The following SPOCK3 variants were observed in gnomAD, a reference collection of about 807,000 sequenced individuals.
The protein encoded by SPOCK3 is testican-3.
A neutral mutation model predicts 56.6 loss-of-function variants in SPOCK3; 30 were observed. The ratio of observed to expected loss-of-function variants is 0.53; its 90% CI spans 0.40 to 0.72. The LOEUF is 0.72. Ranked by LOEUF, SPOCK3 falls within the 30% of genes least tolerant of loss-of-function variation. The pLI is 0.00. For synonymous variants in SPOCK3, 196 were observed against 183.3 expected (o/e 1.07, Z -0.56); for missense variants, 527 against 530.0 (o/e 0.99, Z 0.06).
intron 2 of SPOCK3, among the ~76,000 whole-genome samples, chr4:167,163,166 ATTTTTTT>A (rs560014140): frequency 7.8e-6 from 1 of 127,880 alleles, no homozygotes; most frequent in Non-Finnish European, 1.6e-5. Context: ...TTGTTGGGGG[ATTTTTTT>A]TTTTTTTTTT....
chr4:166,896,624 G>A (rs558593531), intron 5 of SPOCK3, among the ~76,000 whole-genome samples: 2 of 152,234 alleles, frequency 1.3e-5, no homozygotes, highest in South Asian at 4.2e-4. Context: ...GGATGAGTGG[G>A]GGTCAGAAGA....
chr4:167,209,360 C>T (rs1456908298), intron 2 of SPOCK3, among the ~76,000 whole-genome samples: 1 of 151,908 alleles, frequency 6.6e-6, no homozygotes, highest in African/African-American at 2.4e-5. Context: ...GAATTTTTCA[C>T]TAGTACTAGA....
At chr4:166,986,568 G>A (rs7699895) in intron 4 of SPOCK3, among the ~76,000 whole-genome samples, 3,748 of 152,088 alleles carry the variant, frequency 0.025, 166 homozygotes, top group African/African-American at 0.085. Flanking sequence ...TACAGCACAC[G>A]AATGAAGAAT....
At chr4:166,926,242 A>C (rs1739083604) in intron 4 of SPOCK3, among the ~76,000 whole-genome samples, 1 of 152,162 alleles carries the variant, frequency 6.6e-6, no homozygotes. Flanking sequence ...ATAGAACATG[A>C]GAAAAAATTA....
chr4:167,064,478 A>C (rs1287850195), intron 2 of SPOCK3, among the ~76,000 whole-genome samples: 3 of 151,854 alleles, frequency 2.0e-5, no homozygotes, highest in African/African-American at 7.2e-5. Flanking sequence ...TACTCCACTA[A>C]ATGTCTCAAA....
At position 166,772,205 on chromosome 4, in the gene SPOCK3, G is replaced by A. The variant is rs546878758; in HGVS notation, c.710-17476C>T. Among the ~76,000 whole-genome samples, 9 of 152,032 alleles carry A rather than the reference G, an allele frequency of 5.9e-5. No individual in the cohort carries two copies. The South Asian group carries it at 1.9e-3, about 31-fold the overall frequency. On this transcript the variant is annotated intron_variant, in intron 7 of 10. Coordinates refer to ENST00000357545, the MANE Select transcript of SPOCK3 (RefSeq NM_001040159.2). ...TACTTTTTTCACATTTAAGATTTTA[G>A]AACTAGTGAACCAAATACTACAAAT...
At chr4:167,084,911 A>C (rs1758049478) in intron 2 of SPOCK3, among the ~76,000 whole-genome samples, 1 of 152,090 alleles carries the variant, frequency 6.6e-6, no homozygotes, top group Non-Finnish European at 1.5e-5. Flanking sequence ...TGTAGGTACA[A>C]ACAGCCCCTG....
At chr4:167,007,637 G>GAAATCTAAAATGCCCTTTATTATAGCTGT (rs1749592327) in intron 3 of SPOCK3, among the ~76,000 whole-genome samples, 1 of 152,028 alleles carries the variant, frequency 6.6e-6, no homozygotes, top group African/African-American at 2.4e-5. Context: ...TTGCCCTGTA[G>GAAATCTAAAATGCCCTTTATTATAGCTGT]AAATCTAAAA....
chr4:167,037,696 C>A (rs1024261959), intron 3 of SPOCK3, among the ~76,000 whole-genome samples: 1 of 152,076 alleles, frequency 6.6e-6, no homozygotes, highest in African/African-American at 2.4e-5. Flanking sequence ...GGAAGAGAAA[C>A]AAAGAAGTCA....
intron 6 of SPOCK3, among the ~76,000 whole-genome samples, chr4:166,816,866 C>T (rs1476084609): frequency 2.6e-5 from 4 of 151,926 alleles, no homozygotes; most frequent in African/African-American, 7.2e-5. Context: ...GCCCAGAGGT[C>T]GAGGGCCCAG....
chr4:166,736,892 A>G (rs764025749), intron 10 of SPOCK3, among the ~76,000 whole-genome samples: 6 of 152,156 alleles, frequency 3.9e-5, no homozygotes, highest in Non-Finnish European at 7.4e-5. Context: ...TATTTTAAAT[A>G]TATACATAAA....
intron 8 of SPOCK3, among the ~76,000 whole-genome samples, chr4:166,744,611 G>A (rs1235120667): frequency 6.6e-6 from 1 of 152,114 alleles, no homozygotes; most frequent in East Asian, 1.9e-4. Flanking sequence ...ACCAGCAACA[G>A]AACAAAGCTG....
intron 7 of SPOCK3, among the ~76,000 whole-genome samples, chr4:166,770,521 C>T (rs980077490): frequency 2.0e-5 from 3 of 152,058 alleles, no homozygotes; most frequent in Non-Finnish European, 4.4e-5. Flanking sequence ...TCATTATTTG[C>T]CTCCCATCTA....
At chr4:167,229,213 T>C (rs1736903447) in intron 2 of SPOCK3, among the ~76,000 whole-genome samples, 1 of 152,156 alleles carries the variant, frequency 6.6e-6, no homozygotes, top group Admixed American at 6.6e-5. Context: ...ATATCCAAAT[T>C]ACAAATAAAT....
chr4:167,203,428 A>T (rs1319988568), intron 2 of SPOCK3, among the ~76,000 whole-genome samples: 2 of 152,018 alleles, frequency 1.3e-5, no homozygotes, highest in Non-Finnish European at 2.9e-5. Flanking sequence ...CTTTTCTGTT[A>T]AAGTGCTAAA....
intron 4 of SPOCK3, among the ~76,000 whole-genome samples, chr4:166,949,115 T>A (rs1453007178): frequency 1.3e-5 from 2 of 152,220 alleles, no homozygotes; most frequent in African/African-American, 4.8e-5. Flanking sequence ...GCTGATACCC[T>A]TTCTTCCAGT....
intron 6 of SPOCK3, among the ~76,000 whole-genome samples, chr4:166,848,761 G>A (rs931569932): frequency 6.6e-6 from 1 of 152,200 alleles, no homozygotes; most frequent in Non-Finnish European, 1.5e-5. Flanking sequence ...AGTGTTTGAG[G>A]AGGGCATGTG....
At chr4:167,089,097 A>G (rs1003633452) in intron 2 of SPOCK3, among the ~76,000 whole-genome samples, 3 of 152,128 alleles carry the variant, frequency 2.0e-5, no homozygotes, top group Admixed American at 6.6e-5. Flanking sequence ...AAAACAATAG[A>G]CAAATCTGAT....
chr4:167,060,613 C>G (rs1159453661), intron 3 of SPOCK3, among the ~76,000 whole-genome samples: 2 of 152,092 alleles, frequency 1.3e-5, no homozygotes, highest in East Asian at 3.9e-4. Flanking sequence ...AACTTGAGAT[C>G]AGATAGTCTA....
Sources: allele counts gnomAD v4.1 joint callset (sites outside exome capture counted in the v4.1 genomes callset), GRCh38; gene constraint gnomAD v4.1.1; transcripts MANE v1.5; gene names NCBI Gene and HGNC (gene_info 2026-07-23, HGNC 2026-07-21).